NIBAN2: variants seen among roughly 807,000 people sequenced by gnomAD.
The protein encoded by NIBAN2 is protein Niban 2.
A neutral mutation model predicts 81.8 loss-of-function variants in NIBAN2; 36 were observed. The ratio of observed to expected loss-of-function variants is 0.44; its 90% CI spans 0.34 to 0.58. The LOEUF is 0.58. NIBAN2 is among the 20% of genes least tolerant of loss of function. The pLI is 0.02. For missense variants in NIBAN2, 897 were observed against 1,014.1 expected (o/e 0.88, Z 1.57); for synonymous variants, 445 against 441.6 (o/e 1.01, Z -0.10).
At chr9:127,556,245 C>T (rs1453204824) in intron 1 of NIBAN2, among the ~76,000 whole-genome samples, 1 of 152,098 alleles carries the variant, frequency 6.6e-6, no homozygotes, top group Non-Finnish European at 1.5e-5. Flanking sequence ...CACATGGCTT[C>T]GTGCCTGCGG....
At chr9:127,511,908 C>T (rs1012053519) in intron 8 of NIBAN2, among the ~76,000 whole-genome samples, 5 of 152,172 alleles carry the variant, frequency 3.3e-5, no homozygotes, top group African/African-American at 9.7e-5. Context: ...CACGTCACCC[C>T]AGTTAAAATG....
At position 127,509,099 on chromosome 9, in the gene NIBAN2, G is replaced by T. The variant is rs1238227388; in HGVS notation, c.1194C>A (p.His398Gln). Residue 398 changes from histidine to glutamine, a missense_variant, in exon 10 of 14, where the codon CAC becomes CAA. Coordinates refer to ENST00000373312, the MANE Select transcript of NIBAN2 (RefSeq NM_022833.4). ...CATAGCAGCTCTGCATCTTCAGGGG[G>T]TGGTACGCCAGCCGGGACAGCTTCT... The part of the protein sequence containing the change: ...YMEKLSRLAY[H>Q]PLKMQSCYEK... The T allele has an allele frequency of 6.2e-7, 1 of 1,612,906 alleles. No homozygotes were observed. The highest frequency in any genetic ancestry group is 2.2e-5 in the East Asian group (1 of 44,870).
Position 127,527,230 on chromosome 9 carries a change from G to C in NIBAN2, c.279C>G (p.Pro93=), listed in dbSNP as rs1403272504. The C allele has an allele frequency of 1.2e-6, 2 of 1,614,010 alleles. No homozygotes were observed. The highest frequency in any genetic ancestry group is 1.1e-5 in the South Asian group (1 of 91,080). ...KKWRNRFSLV[P]HNYGLVLYEN... is the part of the protein sequence containing the mutation. ...CGTAGAGCACCAGCCCGTAGTTGTG[G>C]GGCACGAGGCTGAAGCGGTTTCTCC... is the stretch of plus-strand genomic sequence containing the variant. Residue 93 remains proline, a synonymous_variant, in exon 3 of 14, where the codon CCC becomes CCG. Transcript: ENST00000373312.
At chr9:127,554,139 A>G (rs1011688205) in intron 1 of NIBAN2, among the ~76,000 whole-genome samples, 5 of 152,080 alleles carry the variant, frequency 3.3e-5, no homozygotes, top group Non-Finnish European at 7.4e-5. Context: ...ACCTAACACA[A>G]ATTTGTTGCT....
chr9:127,562,791 C>T (rs75404442), intron 1 of NIBAN2, among the ~76,000 whole-genome samples: 12 of 152,184 alleles, frequency 7.9e-5, no homozygotes, highest in Non-Finnish European at 1.3e-4. Context: ...TGAGAAACAA[C>T]CTCATGTCCA....
chr9:127,529,259 A>G (rs1391746922), intron 2 of NIBAN2, among the ~76,000 whole-genome samples: 3 of 152,192 alleles, frequency 2.0e-5, no homozygotes, highest in Non-Finnish European at 4.4e-5. Flanking sequence ...CTGAGCCTCA[A>G]TGTCTACATC....
chr9:127,510,094 A>G, intron 9 of NIBAN2, 52 bp downstream of exon 9: 1 of 1,528,710 alleles, frequency 6.5e-7, no homozygotes, highest in Non-Finnish European at 8.9e-7. Flanking sequence ...CCTCTGGGAC[A>G]GACCAGACCT....
chr9:127,525,602 G>A (rs1837048637), intron 3 of NIBAN2, among the ~76,000 whole-genome samples: 9 of 152,206 alleles, frequency 5.9e-5, no homozygotes, highest in Admixed American at 5.9e-4. Context: ...CAAGGACTCA[G>A]CGAGCTTGGC....
At chr9:127,543,363 A>G (rs978988818) in intron 1 of NIBAN2, among the ~76,000 whole-genome samples, 1 of 152,186 alleles carries the variant, frequency 6.6e-6, no homozygotes, top group African/African-American at 2.4e-5. Flanking sequence ...AGAGGCTGGA[A>G]GGTCCAGGGC....
chr9:127,527,114 C>T (rs1459484964), intron 3 of NIBAN2, 80 bp downstream of exon 3: 5 of 1,565,920 alleles, frequency 3.2e-6, no homozygotes, highest in Non-Finnish European at 4.3e-6. Context: ...GCGTCTGGGG[C>T]CTAAGTTTCC....
intron 1 of NIBAN2, among the ~76,000 whole-genome samples, chr9:127,548,012 T>C (rs1254636105): frequency 2.0e-5 from 3 of 152,168 alleles, no homozygotes; most frequent in African/African-American, 7.2e-5. Flanking sequence ...CCAGTATTGG[T>C]GGCCAGGACA....
At position 127,551,094 on chromosome 9, in the gene NIBAN2, A is replaced by G. The variant is rs149079371; in HGVS notation, c.55+17726T>C. On this transcript the variant is annotated intron_variant, in intron 1 of 13. Transcript: ENST00000373312. ...AAGGGACAGATGGAACGGCACTTTG[A>G]AAAAAAACTACCGGCTAGGTGCGGT... Among the ~76,000 whole-genome samples the G allele has an allele frequency of 6.2e-3, 939 of 152,114 alleles. 11 individuals carry two copies. Among genetic ancestry groups the G allele is most frequent in the African/African-American group, 0.021 (878 of 41,498 alleles).
At chr9:127,569,511 C>T (rs1192080581), upstream of NIBAN2, among the ~76,000 whole-genome samples, 1 of 151,978 alleles carries the variant, frequency 6.6e-6, no homozygotes, top group African/African-American at 2.4e-5. Flanking sequence ...CAACCTTGCC[C>T]GCGCGGGAAA....
intron 2 of NIBAN2, among the ~76,000 whole-genome samples, chr9:127,528,473 C>G (rs1837118556): frequency 6.6e-6 from 1 of 152,190 alleles, no homozygotes; most frequent in Non-Finnish European, 1.5e-5. Flanking sequence ...CATGCCTGCA[C>G]CTTCCTGGCT....
chr9:127,523,870 C>A, intron 4 of NIBAN2, 24 bp from the exon 5 acceptor site: 1 of 1,597,786 alleles, frequency 6.3e-7, no homozygotes, highest in Non-Finnish European at 8.6e-7. Context: ...GCCTGATGAG[C>A]AGCTGCCCTC....
intron 1 of NIBAN2, among the ~76,000 whole-genome samples, chr9:127,544,212 T>C (rs1371471462): frequency 6.6e-6 from 1 of 152,172 alleles, no homozygotes. Flanking sequence ...GTACCTAACA[T>C]GGCGCTGGCC....
At chr9:127,519,890 T>A (rs1836903235) in intron 5 of NIBAN2, among the ~76,000 whole-genome samples, 2 of 152,202 alleles carry the variant, frequency 1.3e-5, no homozygotes, top group African/African-American at 4.8e-5. Flanking sequence ...CTGGAAAATC[T>A]GGACAGTGCG....
intron 5 of NIBAN2, among the ~76,000 whole-genome samples, chr9:127,523,089 C>A (rs1484365846): frequency 4.1e-5 from 6 of 145,856 alleles, no homozygotes; most frequent in African/African-American, 1.3e-4. Context: ...GAAGAGTCAC[C>A]CCATAAGTTT....
chr9:127,521,180 C>G (rs1444861669), intron 5 of NIBAN2, among the ~76,000 whole-genome samples: 1 of 152,186 alleles, frequency 6.6e-6, no homozygotes, highest in East Asian at 1.9e-4. Context: ...CACATCAGCT[C>G]GTTGAATCCT....
Sources: allele counts gnomAD v4.1 joint callset (sites outside exome capture counted in the v4.1 genomes callset), GRCh38; gene constraint gnomAD v4.1.1; transcripts MANE v1.5; gene names NCBI Gene and HGNC (gene_info 2026-07-23, HGNC 2026-07-21).